Variants in SAMD4A observed in about 807,000 individuals in gnomAD.
SAMD4A encodes the protein sterile alpha motif domain containing 4A, also known as protein Smaug homolog 1.
A neutral mutation model predicts 81.3 loss-of-function variants in SAMD4A; 33 were observed. The observed-to-expected ratio is 0.41, with a 90% confidence interval of 0.31 to 0.54. The LOEUF (loss-of-function observed/expected upper bound fraction) is 0.54, where lower values mean the gene tolerates loss of function less well. Among genes scored for constraint, SAMD4A ranks in the 20% least tolerant of loss-of-function variants. SAMD4A has a pLI of 0.37. For missense variants in SAMD4A, 854 were observed against 951.1 expected (o/e 0.90, Z 1.34); for synonymous variants, 389 against 382.1 (o/e 1.02, Z -0.21).
intron 2 of SAMD4A, among the ~76,000 whole-genome samples, chr14:54,627,944 T>C (rs773263348): frequency 6.6e-6 from 1 of 152,190 alleles, no homozygotes; most frequent in Non-Finnish European, 1.5e-5. Context: ...TAAGCAGGCT[T>C]TTATTTTTGT....
rs1489510989 is a variant in SAMD4A at position 54,702,235 on chromosome 14, C to G, written c.370C>G (p.Gln124Glu). The change falls in exon 3 of 13, where the codon CAG becomes GAG. Residue 124 changes from glutamine to glutamate, a missense_variant. By Grantham distance (29) the Gln-to-Glu change is conservative. Transcript: ENST00000554335. ...CAACCAGCACATTGAGGAGAGCAGG[C>G]AGCTGCTGTCCTATGCTTTGATACA... Reference protein sequence around the residue: ...EHNQHIEESRQLLSYALIHPA... With the variant: ...EHNQHIEESRELLSYALIHPA... 1 of 1,614,154 alleles carries G rather than the reference C, an allele frequency of 6.2e-7. No individual in the cohort carries two copies. Among genetic ancestry groups the G allele is most frequent in the Admixed American group, 1.7e-5 (1 of 60,020 alleles).
intron 2 of SAMD4A, among the ~76,000 whole-genome samples, chr14:54,569,536 G>A (rs767618531): frequency 2.2e-4 from 34 of 152,296 alleles, no homozygotes; most frequent in Non-Finnish European, 3.5e-4. Flanking sequence ...GCGATGACAG[G>A]GCCCCCTTTG....
At chr14:54,688,781 A>G (rs2036348788) in intron 2 of SAMD4A, among the ~76,000 whole-genome samples, 1 of 152,142 alleles carries the variant, frequency 6.6e-6, no homozygotes, top group Admixed American at 6.5e-5. Context: ...GTTTCACATC[A>G]GCCTTACTCG....
intron 11 of SAMD4A, among the ~76,000 whole-genome samples, chr14:54,783,977 G>T (rs374139970): frequency 1.3e-5 from 2 of 152,202 alleles, no homozygotes; most frequent in African/African-American, 4.8e-5. Flanking sequence ...AGCTGTGGGC[G>T]AAGGCTATGA....
rs1210320226 is a variant in SAMD4A, at chr14:54,567,309, C to A, written c.-451C>A. On this transcript the variant is annotated 5_prime_UTR_variant, in exon 1 of 13. Transcript: ENST00000554335. ...GGGAAGCAGGCTTCTCGCTGTTACC[C>A]GGTGGGGAATAGCCCATCTCCCACA... The A allele has an allele frequency of 6.6e-6, 1 of 152,260 alleles. No homozygotes were observed. Among genetic ancestry groups the A allele is most frequent in the South Asian group, 2.1e-4 (1 of 4,834 alleles). 9.4% of individuals were successfully genotyped at this position (152,260 alleles called of 1,614,324 possible). A position where few individuals can be genotyped will look rare whatever the true frequency, so the allele number is the denominator to read the frequency against.
intron 4 of SAMD4A, among the ~76,000 whole-genome samples, chr14:54,748,135 T>C (rs767593435): frequency 2.6e-5 from 4 of 152,144 alleles, no homozygotes; most frequent in Non-Finnish European, 5.9e-5. Flanking sequence ...CCGGATACAT[T>C]CCATAGCTTG....
At chr14:54,717,731 G>A (rs951506273) in intron 3 of SAMD4A, among the ~76,000 whole-genome samples, 3 of 152,100 alleles carry the variant, frequency 2.0e-5, no homozygotes, top group Non-Finnish European at 4.4e-5. Flanking sequence ...GACTGACAAC[G>A]TGATTGAGGC....
intron 3 of SAMD4A, among the ~76,000 whole-genome samples, chr14:54,730,751 A>AT (rs575529717): frequency 4.6e-4 from 70 of 151,914 alleles, no homozygotes; most frequent in African/African-American, 1.4e-3. Flanking sequence ...ATCTGGTGTT[A>AT]TTTTTTTTGT....
chr14:54,769,585 C>A lies in SAMD4A; in HGVS notation c.1597-519C>A, dbSNP rs1231079901. Among the ~76,000 whole-genome samples, 3 of 152,064 alleles carry A rather than the reference C, an allele frequency of 2.0e-5. No homozygotes were observed. The East Asian group carries it at 5.8e-4, about 29-fold the overall frequency. ...ACTGGAATTTTTGTAAGGCAAGAGA[C>A]CCATTAACTGGAGATGTCTCAGCAA... On this transcript the variant is annotated intron_variant, in intron 8 of 12. Coordinates refer to ENST00000554335, the MANE Select transcript of SAMD4A (RefSeq NM_015589.6).
chr14:54,782,587 C>T (rs1256475335), intron 11 of SAMD4A, among the ~76,000 whole-genome samples: 2 of 152,184 alleles, frequency 1.3e-5, no homozygotes, highest in East Asian at 1.9e-4. Flanking sequence ...AGTCGGCCTC[C>T]GTCTGCTCAC....
chr14:54,784,601 G>T lies in SAMD4A; in HGVS notation c.2109G>T (p.Met703Ile). 3 of 1,614,094 alleles carry T rather than the reference G, an allele frequency of 1.9e-6. No individual in the cohort carries two copies. In the South Asian group the frequency reaches 3.3e-5, roughly 18 times the overall value. ...GGCTGGAGTCGTTGTGCCTCAGTATGACCGAACACGCCCTGGGAGGTGAGT... is the reference window on the plus strand; with the variant it reads ...GGCTGGAGTCGTTGTGCCTCAGTATTACCGAACACGCCCTGGGAGGTGAGT... ...NNRLESLCLS[M>I]TEHALGDGVD... The change falls in exon 12 of 13, where the codon ATG becomes ATT. Residue 703 changes from methionine to isoleucine, a missense_variant. This residue lies in a region of SAMD4A where 428 missense variants were observed against 471.2 expected (regional missense o/e 0.91). Transcript: ENST00000554335.
At chr14:54,640,025 T>TAA (rs72283032) in intron 2 of SAMD4A, among the ~76,000 whole-genome samples, 403 of 148,566 alleles carry the variant, frequency 2.7e-3, no homozygotes, top group South Asian at 0.01. Flanking sequence ...CTATGTTTGA[T>TAA]AAAAAAAAAA....
chr14:54,622,214 T>C (rs2034634437), intron 2 of SAMD4A, among the ~76,000 whole-genome samples: 1 of 152,182 alleles, frequency 6.6e-6, no homozygotes, highest in East Asian at 1.9e-4. Context: ...TCATTTAGAG[T>C]TTGTTACATC....
intron 2 of SAMD4A, among the ~76,000 whole-genome samples, chr14:54,574,711 C>G (rs2033237164): frequency 6.6e-6 from 1 of 152,156 alleles, no homozygotes; most frequent in African/African-American, 2.4e-5. Flanking sequence ...TTGGCTCCTC[C>G]TAGTAGGATA....
chr14:54,670,466 A>T (rs956556471), intron 2 of SAMD4A, among the ~76,000 whole-genome samples: 11 of 151,894 alleles, frequency 7.2e-5, no homozygotes, highest in African/African-American at 2.7e-4. Context: ...TGTGTAGAGG[A>T]CGGAGCCAGA....
chr14:54,609,238 G>A (rs1369714032), intron 2 of SAMD4A, among the ~76,000 whole-genome samples: 1 of 152,172 alleles, frequency 6.6e-6, no homozygotes, highest in Admixed American at 6.5e-5. Context: ...TGAGAGAGAC[G>A]TGATGTGAGA....
intron 11 of SAMD4A, among the ~76,000 whole-genome samples, chr14:54,777,069 G>A (rs1033307488): frequency 5.6e-4 from 85 of 152,326 alleles, no homozygotes; most frequent in Non-Finnish European, 1.1e-3. Context: ...AAACAGAGTG[G>A]TTGGAATTAT....
At chr14:54,697,921 G>A (rs564781605) in intron 2 of SAMD4A, among the ~76,000 whole-genome samples, 1 of 152,172 alleles carries the variant, frequency 6.6e-6, no homozygotes, top group South Asian at 2.1e-4. Flanking sequence ...CTCCCCATTG[G>A]GTTGCTTGCA....
intron 2 of SAMD4A, among the ~76,000 whole-genome samples, chr14:54,695,953 G>GAAAAAAAAAAA (rs35817270): frequency 1.3e-5 from 1 of 78,270 alleles, no homozygotes; most frequent in Non-Finnish European, 2.4e-5. Context: ...CTCCATCTCA[G>GAAAAAAAAAAA]AAAAAAAAAA....
Sources: gnomAD v4.1 joint callset for allele counts (sites outside exome capture counted in the v4.1 genomes callset) on GRCh38, gnomAD v4.1.1 for gene constraint, gnomAD v4.1.1 regional missense constraint, MANE v1.5 for transcripts, NCBI Gene and HGNC (gene_info 2026-07-23, HGNC 2026-07-21) for gene names.